SCN10A: variants seen among roughly 807,000 people sequenced by gnomAD.
SCN10A encodes the protein sodium voltage-gated channel alpha subunit 10.
A neutral mutation model predicts 170.7 loss-of-function variants in SCN10A; 162 were observed. The observed-to-expected ratio is 0.95, with a 90% CI of 0.84 to 1.08. The LOEUF is 1.08. Ranked by LOEUF, SCN10A falls within the 50% of genes least tolerant of loss-of-function variation. The pLI, the probability that SCN10A is intolerant of heterozygous loss-of-function variation, is 0.00. For missense variants in SCN10A, 2,527 were observed against 2,436.9 expected (o/e 1.04, Z -0.78); for synonymous variants, 985 against 904.6 (o/e 1.09, Z -1.59).
intron 26 of SCN10A, among the ~76,000 whole-genome samples, chr3:38,705,290 C>A (rs1042803092): frequency 1.3e-5 from 2 of 152,212 alleles, no homozygotes; most frequent in Non-Finnish European, 2.9e-5. Context: ...CGTTCCTCCA[C>A]TAAGGCTAGC....
rs1395184419 is a variant in SCN10A at position 38,761,362 on chromosome 3, G to GC, written c.712dup (p.Ala238GlyfsTer11). ...CAGTTTCTTCACTGAGTGAATCAGG[G>GC]CCCCCACAATGACCTTCAGGCCTGC... On this transcript the variant is annotated frameshift_variant, in exon 7 of 28. Transcript: ENST00000449082. LOFTEE classifies it high-confidence loss of function. 3.7e-6 allele frequency: 6 copies of GC among 1,613,622 alleles called. No individual in the cohort carries two copies. The highest frequency in any genetic ancestry group is 5.1e-6 in the Non-Finnish European group (6 of 1,179,712).
At chr3:38,771,210 C>G in intron 5 of SCN10A, 69 bp downstream of exon 5, 1 of 1,565,966 alleles carries the variant, frequency 6.4e-7, no homozygotes, top group Non-Finnish European at 8.7e-7. Context: ...GCATGTTAGC[C>G]CTGTCTCCTA....
chr3:38,790,921 C>T (rs1405260313), intron 3 of SCN10A, among the ~76,000 whole-genome samples: 1 of 152,050 alleles, frequency 6.6e-6, no homozygotes, highest in Non-Finnish European at 1.5e-5. Flanking sequence ...GCTCAGAAAA[C>T]GTAATTCTTG....
chr3:38,718,024 T>C (rs2063350445), intron 21 of SCN10A, among the ~76,000 whole-genome samples: 1 of 152,160 alleles, frequency 6.6e-6, no homozygotes, highest in Non-Finnish European at 1.5e-5. Flanking sequence ...TCCAGCTCAT[T>C]ACCTCTCCAA....
intron 5 of SCN10A, among the ~76,000 whole-genome samples, chr3:38,770,096 G>A (rs2063981307): frequency 6.6e-6 from 1 of 152,206 alleles, no homozygotes; most frequent in Non-Finnish European, 1.5e-5. Context: ...TAGCCAGGAT[G>A]TTGCAGGCAG....
At chr3:38,806,302 C>T (rs558076596) in intron 1 of SCN10A, among the ~76,000 whole-genome samples, 3 of 152,194 alleles carry the variant, frequency 2.0e-5, no homozygotes, top group East Asian at 3.9e-4. Context: ...TCTTTACCTC[C>T]GTATCATCTC....
At chr3:38,780,311 G>A (rs2064124404) in intron 4 of SCN10A, among the ~76,000 whole-genome samples, 1 of 151,730 alleles carries the variant, frequency 6.6e-6, no homozygotes, top group South Asian at 2.1e-4. Flanking sequence ...TTCTTTGTTT[G>A]CCTTTGCTTA....
chr3:38,722,198 T>C, intron 20 of SCN10A, 60 bp downstream of exon 20: 1 of 1,531,970 alleles, frequency 6.5e-7, no homozygotes, highest in Non-Finnish European at 8.9e-7. Context: ...TCCAGGGCCT[T>C]TGGATTGTAG....
At position 38,702,005 on chromosome 3, in the gene SCN10A, A is replaced by C. The variant is rs201148315; in HGVS notation, c.4491T>G (p.Thr1497=). The change falls in exon 27 of 28, where the codon ACT becomes ACG. Residue 1497 remains threonine (T), a synonymous_variant. Transcript: ENST00000449082. ...CLNMITMMVE[T]DDQSEEKTKI... ...TCGTCTTTTCTTCACTTTGGTCATC[A>C]GTCTCCACCATCATGGTGATCATGT... 1 of 1,614,100 alleles carries C rather than the reference A, an allele frequency of 6.2e-7. No individual in the cohort carries two copies. The highest frequency in any genetic ancestry group is 2.2e-5 in the East Asian group (1 of 44,888).
intron 15 of SCN10A, among the ~76,000 whole-genome samples, chr3:38,734,495 C>T (rs1410524631): frequency 2.0e-5 from 3 of 152,262 alleles, no homozygotes; most frequent in South Asian, 2.1e-4. Flanking sequence ...AAATGCATCA[C>T]GATCAAGCTA....
At chr3:38,772,736 CA>C (rs1180592093) in intron 4 of SCN10A, among the ~76,000 whole-genome samples, 4,571 of 89,436 alleles carry the variant, frequency 0.051, 130 homozygotes, top group African/African-American at 0.1. Flanking sequence ...AAAACAAAAA[CA>C]AAAAAAAAAA....
At chr3:38,781,280 A>G (rs749562570) in intron 4 of SCN10A, among the ~76,000 whole-genome samples, 4 of 152,076 alleles carry the variant, frequency 2.6e-5, no homozygotes, top group Non-Finnish European at 4.4e-5. Context: ...AGTCGTGGTC[A>G]CTGCTTGGTG....
At chr3:38,807,403 C>T (rs939743629) in intron 1 of SCN10A, among the ~76,000 whole-genome samples, 4 of 152,122 alleles carry the variant, frequency 2.6e-5, no homozygotes, top group African/African-American at 9.7e-5. Flanking sequence ...TATGTCTCTC[C>T]CAGTTTTCTT....
chr3:38,742,771 A>G (rs376833295), intron 13 of SCN10A, among the ~76,000 whole-genome samples: 1 of 152,242 alleles, frequency 6.6e-6, no homozygotes. Context: ...TTTACTGCCC[A>G]TCACCTATAT....
At chr3:38,766,424 G>T (rs2063933690) in intron 5 of SCN10A, among the ~76,000 whole-genome samples, 2 of 152,032 alleles carry the variant, frequency 1.3e-5, no homozygotes, top group African/African-American at 4.8e-5. Flanking sequence ...TGCCAATTTG[G>T]TTGAGGGTTT....
chr3:38,734,916 A>C (rs547931286), intron 15 of SCN10A, among the ~76,000 whole-genome samples: 6 of 152,310 alleles, frequency 3.9e-5, no homozygotes, highest in Admixed American at 6.5e-5. Context: ...CATGCCTGTA[A>C]TCCCAGCACT....
chr3:38,800,908 T>C lies in SCN10A; in HGVS notation c.-32-6866A>G, dbSNP rs965729751. Among the ~76,000 whole-genome samples the C allele has an allele frequency of 5.3e-5, 8 of 152,296 alleles. No homozygotes were observed. The East Asian group carries it at 1.4e-3, about 26-fold the overall frequency. On this transcript the variant is annotated intron_variant, in intron 1 of 27. Transcript: ENST00000449082. ...TGAGATCTGATGAGTGAGCAGTTTC[T>C]AAGAAGAAGACTAAATGTGATTGAA...
chr3:38,813,070 A>G (rs1054935455), intron 1 of SCN10A, among the ~76,000 whole-genome samples: 1 of 152,134 alleles, frequency 6.6e-6, no homozygotes, highest in Non-Finnish European at 1.5e-5. Flanking sequence ...CCTGTTATTC[A>G]CAACCTCCCT....
intron 21 of SCN10A, among the ~76,000 whole-genome samples, chr3:38,715,707 G>A (rs1327443741): frequency 6.6e-6 from 1 of 152,194 alleles, no homozygotes; most frequent in African/African-American, 2.4e-5. Context: ...AAGAGTGGAA[G>A]AAGGCTCATG....
Sources: allele counts gnomAD v4.1 joint callset (sites outside exome capture counted in the v4.1 genomes callset), GRCh38; gene constraint gnomAD v4.1.1; transcripts MANE v1.5; gene names NCBI Gene and HGNC (gene_info 2026-07-23, HGNC 2026-07-21).